Variants in NODAL observed in about 807,000 individuals in gnomAD.
The protein encoded by NODAL is nodal growth differentiation factor, also known as nodal homolog.
NODAL carries 12 observed loss-of-function variants against 34.0 expected under a neutral mutation model. That is an observed-to-expected ratio of 0.35 (90% CI 0.23 to 0.57). NODAL has a LOEUF of 0.57. NODAL is among the 20% of genes least tolerant of loss of function. NODAL has a pLI of 0.83. For synonymous variants in NODAL, 162 were observed against 186.4 expected (o/e 0.87, Z 1.07); for missense variants, 390 against 444.2 (o/e 0.88, Z 1.10).
chr10:70,435,146 A>G (rs981895294), intron 2 of NODAL, 140 bp downstream of exon 2: 1 of 746,518 alleles, frequency 1.3e-6, no homozygotes, highest in Non-Finnish European at 2.2e-6. Flanking sequence ...CATGCCTGGT[A>G]CCTAGCACAG....
upstream of NODAL, among the ~76,000 whole-genome samples, chr10:70,442,471 A>G (rs1845443718): frequency 6.6e-6 from 1 of 152,094 alleles, no homozygotes. Flanking sequence ...GCTCAGGGCC[A>G]CTCACTTTGA....
upstream of NODAL, among the ~76,000 whole-genome samples, chr10:70,445,281 G>A (rs1274349430): frequency 2.0e-5 from 3 of 151,964 alleles, no homozygotes; most frequent in African/African-American, 2.4e-5. Context: ...TTTTTGAGAC[G>A]GAGTCTCGCT....
intron 1 of NODAL, among the ~76,000 whole-genome samples, chr10:70,439,859 G>A (rs1845406432): frequency 6.6e-6 from 1 of 152,224 alleles, no homozygotes; most frequent in Admixed American, 6.5e-5. Context: ...GGCGGACCAC[G>A]AGACCAGGCG....
Position 70,435,538 on chromosome 10 carries a change from C to T in NODAL, c.639G>A (p.Leu213=). ...EQRQLGGSTL[L]WEAESSWRAQ... ...CCCGCCAGGAGCTCTCGGCTTCCCA[C>T]AGCAAGGTGGACCCACCCAGCTGCC... is the stretch of plus-strand genomic sequence containing the variant. The change falls in exon 2 of 3, where the codon CTG becomes CTA. Residue 213 remains leucine (L), a synonymous_variant. Transcript: ENST00000287139. 2 of 1,614,156 alleles carry T rather than the reference C, an allele frequency of 1.2e-6. No homozygotes were observed. Among genetic ancestry groups the T allele is most frequent in the Non-Finnish European group, 1.7e-6 (2 of 1,180,038 alleles).
intron 1 of NODAL, among the ~76,000 whole-genome samples, chr10:70,439,637 C>A (rs1461101892): frequency 6.6e-6 from 1 of 152,226 alleles, no homozygotes; most frequent in Non-Finnish European, 1.5e-5. Flanking sequence ...TGCGGTGCAG[C>A]TTATTCTAAA....
chr10:70,444,057 C>T (rs958892479), upstream of NODAL, among the ~76,000 whole-genome samples: 7 of 151,366 alleles, frequency 4.6e-5, no homozygotes, highest in African/African-American at 1.2e-4. Context: ...TTCAGCCTCC[C>T]GAGTAGGTGG....
In NODAL at chr10:70,435,816, T is replaced by A. The variant is rs1287933676; in HGVS notation, c.361A>T (p.Thr121Ser). Residue 121 changes from threonine (T) to serine (S), a missense_variant, in exon 2 of 3, where the codon ACA (threonine) becomes TCA (serine). Transcript: ENST00000287139. ...IEIFHQPKPD[T>S]EQASDSCLER... ...AAGCAGCTGTCTGAAGCCTGCTCTG[T>A]GTCGGGCTTTGGCTGGTGGAAAATC... 4 of 1,614,000 alleles carry A rather than the reference T, an allele frequency of 2.5e-6. No individual in the cohort carries two copies. The highest frequency in any genetic ancestry group is 3.4e-6 in the Non-Finnish European group (4 of 1,180,054).
At position 70,435,307 on chromosome 10, in the gene NODAL, C is replaced by T. The variant is rs763525961; in HGVS notation, c.870G>A (p.Pro290=). The T allele has an allele frequency of 2.6e-5, 42 of 1,611,748 alleles. No individual in the cohort carries two copies. The highest frequency in any genetic ancestry group is 1.7e-4 in the Admixed American group (10 of 59,628). ...CPNPVGEEFH[P]TNHAYIQSLL... is the part of the protein sequence containing the mutation. ...CCACCTGGATGTATGCATGGTTGGTCGGATGAAACTCCTCCCCAACAGGAT... is the reference window on the plus strand; with the variant it reads ...CCACCTGGATGTATGCATGGTTGGTTGGATGAAACTCCTCCCCAACAGGAT... The change falls in exon 2 of 3, where the codon CCG becomes CCA. Residue 290 remains proline (P), a synonymous_variant. Transcript: ENST00000287139.
At chr10:70,437,428 C>T (rs529425101) in intron 1 of NODAL, among the ~76,000 whole-genome samples, 3 of 152,048 alleles carry the variant, frequency 2.0e-5, no homozygotes, top group East Asian at 1.9e-4. Flanking sequence ...GCAACAAGAG[C>T]GAAACTCTGT....
rs747666961 is a variant in NODAL, at chr10:70,435,265, CCCTCACG to C, written c.891+14_891+20del. On this transcript the variant is annotated intron_variant, in intron 2 of 2. Transcript: ENST00000287139. ...AAGGCCAGCTTACTGCCTCCCCTCC[CCCTCACG>C]CCTGGCATCCCACCTGGATGTATGC... 1 of 1,587,664 alleles carries C rather than the reference CCCTCACG, an allele frequency of 6.3e-7. No homozygotes were observed. Among genetic ancestry groups the C allele is most frequent in the Non-Finnish European group, 8.6e-7 (1 of 1,165,596 alleles).
chr10:70,432,584 T>C lies in NODAL; in HGVS notation c.*352A>G, dbSNP rs1845280499. On this transcript the variant is annotated 3_prime_UTR_variant, in exon 3 of 3. Coordinates refer to ENST00000287139, the MANE Select transcript of NODAL (RefSeq NM_018055.5). The stretch of plus-strand genomic sequence containing the variant: ...CCCACCTCCAAAATACATGCACATA[T>C]GTCTCAACTTTCACATACAGTTTCG... 1 of 362,486 alleles carries C rather than the reference T, an allele frequency of 2.8e-6. No individual in the cohort carries two copies. The highest frequency in any genetic ancestry group is 5.4e-6 in the Non-Finnish European group (1 of 186,850). The allele number at this position is 362,486 out of a possible 1,614,324, so 22.5% of individuals were successfully genotyped here.
At chr10:70,440,286 C>G (rs1845411021) in intron 1 of NODAL, among the ~76,000 whole-genome samples, 1 of 152,170 alleles carries the variant, frequency 6.6e-6, no homozygotes, top group Non-Finnish European at 1.5e-5. Flanking sequence ...AGCGCTCCCT[C>G]CCTTCTTTGC....
At chr10:70,437,667 G>A (rs111517728) in intron 1 of NODAL, among the ~76,000 whole-genome samples, 1 of 152,286 alleles carries the variant, frequency 6.6e-6, no homozygotes, top group African/African-American at 2.4e-5. Flanking sequence ...GATGATCTCT[G>A]ATGTAGGTCC....
At chr10:70,446,256 G>A (rs929571996), upstream of NODAL, among the ~76,000 whole-genome samples, 1 of 152,178 alleles carries the variant, frequency 6.6e-6, no homozygotes, top group Non-Finnish European at 1.5e-5. Context: ...AGTCCCTTGA[G>A]GTTCTCAGAT....
intron 1 of NODAL, among the ~76,000 whole-genome samples, chr10:70,447,297 C>T (rs550313300): frequency 1.6e-3 from 250 of 152,126 alleles, no homozygotes; most frequent in Non-Finnish European, 2.9e-3. Flanking sequence ...TGGTCTCAAA[C>T]TCCCAACCTC....
intron 1 of NODAL, among the ~76,000 whole-genome samples, chr10:70,446,792 G>T: frequency 6.6e-6 from 1 of 152,172 alleles, no homozygotes; most frequent in Non-Finnish European, 1.5e-5. Flanking sequence ...TAAGCTTTGT[G>T]AGGGTGGAGA....
chr10:70,435,759 T>C lies in NODAL; in HGVS notation c.418A>G (p.Thr140Ala), dbSNP rs1176353462. 1 of 1,614,024 alleles carries C rather than the reference T, an allele frequency of 6.2e-7. No individual in the cohort carries two copies. Among genetic ancestry groups the C allele is most frequent in the Non-Finnish European group, 8.5e-7 (1 of 1,180,030 alleles). ...ERFQMDLFTVTLSQVTFSLGS... is the reference protein window; with the variant it reads ...ERFQMDLFTVALSQVTFSLGS... Reference sequence around the variant, plus strand: ...AAGGAAAAGGTGACCTGGGACAAAGTGACAGTGAATAGGTCCATCTGAAAC... The same window carrying C: ...AAGGAAAAGGTGACCTGGGACAAAGCGACAGTGAATAGGTCCATCTGAAAC... Residue 140 changes from threonine (T) to alanine (A), a missense_variant, in exon 2 of 3, where the codon ACT (threonine) becomes GCT (alanine). Coordinates refer to ENST00000287139, the MANE Select transcript of NODAL (RefSeq NM_018055.5).
chr10:70,447,828 T>C (rs1805726222), intron 1 of NODAL: 4 of 468,150 alleles, frequency 8.5e-6, no homozygotes, highest in South Asian at 3.1e-5. Context: ...CCCCAGCCCC[T>C]GGTTTATAAC....
At chr10:70,436,576 A>AAAAAG (rs34655666) in intron 1 of NODAL, 56 of 158,262 alleles carry the variant, frequency 3.5e-4, no homozygotes, top group African/African-American at 1.3e-3. Flanking sequence ...AAAAAAAAAA[A>AAAAAG]GAGTGACTTG....
Sources: gnomAD v4.1 joint callset for allele counts (sites outside exome capture counted in the v4.1 genomes callset) on GRCh38, gnomAD v4.1.1 for gene constraint, MANE v1.5 for transcripts, NCBI Gene and HGNC (gene_info 2026-07-23, HGNC 2026-07-21) for gene names.